The following MLLT3 variants were observed in gnomAD, a reference collection of about 807,000 sequenced individuals.
The protein encoded by MLLT3 is MLLT3 super elongation complex subunit.
MLLT3 carries 4 observed loss-of-function variants against 53.2 expected under a neutral mutation model. The ratio of observed to expected loss-of-function variants is 0.08; its 90% CI spans 0.04 to 0.17. The LOEUF (loss-of-function observed/expected upper bound fraction) is 0.17, where lower values mean the gene tolerates loss of function less well. Ranked by LOEUF, MLLT3 falls within the 10% of genes least tolerant of loss-of-function variation. The pLI, the probability that MLLT3 is intolerant of heterozygous loss-of-function variation, is 1.00. For missense variants in MLLT3, 569 were observed against 684.0 expected, an observed-to-expected ratio of 0.83 and a Z score of 1.87; for synonymous variants, 283 against 230.6, an observed-to-expected ratio of 1.23 and a Z score of -2.06.
At chr9:20,474,607 T>G (rs1207941697) in intron 2 of MLLT3, among the ~76,000 whole-genome samples, 1 of 152,004 alleles carries the variant, frequency 6.6e-6, no homozygotes, top group Non-Finnish European at 1.5e-5. Flanking sequence ...AATTTGTTTT[T>G]TCCCACATAC....
intron 2 of MLLT3, among the ~76,000 whole-genome samples, chr9:20,572,108 C>G (rs956800175): frequency 5.3e-5 from 8 of 152,006 alleles, no homozygotes; most frequent in African/African-American, 1.9e-4. Flanking sequence ...TGAAATAAAC[C>G]AGACATGAAA....
At chr9:20,399,614 A>T (rs1347331781) in intron 5 of MLLT3, among the ~76,000 whole-genome samples, 1 of 152,086 alleles carries the variant, frequency 6.6e-6, no homozygotes, top group Non-Finnish European at 1.5e-5. Flanking sequence ...GTCATAAAGG[A>T]CTCAGGGTAA....
intron 2 of MLLT3, among the ~76,000 whole-genome samples, chr9:20,495,874 G>A (rs1198763833): frequency 6.6e-6 from 1 of 152,116 alleles, no homozygotes; most frequent in East Asian, 1.9e-4. Context: ...CCCTATCATA[G>A]GCCCTCGGCT....
chr9:20,431,202 A>G (rs1402098460), intron 4 of MLLT3, among the ~76,000 whole-genome samples: 1 of 152,192 alleles, frequency 6.6e-6, no homozygotes, highest in East Asian at 1.9e-4. Flanking sequence ...GGTATACAAT[A>G]TAAGACAGCA....
chr9:20,348,124 T>C (rs1342041044), intron 10 of MLLT3, among the ~76,000 whole-genome samples: 1 of 152,192 alleles, frequency 6.6e-6, no homozygotes, highest in African/African-American at 2.4e-5. Flanking sequence ...CTGGAACTAT[T>C]TTTTAGGGAT....
At chr9:20,416,164 A>C (rs1822866238) in intron 4 of MLLT3, among the ~76,000 whole-genome samples, 1 of 152,014 alleles carries the variant, frequency 6.6e-6, no homozygotes, top group Non-Finnish European at 1.5e-5. Context: ...ATAAAGTATA[A>C]TGGACAAACC....
At chr9:20,397,290 C>T in intron 5 of MLLT3, among the ~76,000 whole-genome samples, 1 of 152,090 alleles carries the variant, frequency 6.6e-6, no homozygotes, top group East Asian at 1.9e-4. Context: ...GTTTCTAAAA[C>T]ATTTAATTAA....
intron 5 of MLLT3, among the ~76,000 whole-genome samples, chr9:20,393,593 C>T (rs375891620): frequency 6.6e-6 from 1 of 152,152 alleles, no homozygotes; most frequent in Admixed American, 6.6e-5. Flanking sequence ...AGGTTACATG[C>T]TATGAAAAGG....
chr9:20,462,326 T>C (rs1192427019), intron 2 of MLLT3, among the ~76,000 whole-genome samples: 1 of 152,214 alleles, frequency 6.6e-6, no homozygotes, highest in Non-Finnish European at 1.5e-5. Flanking sequence ...TCCATTTCCT[T>C]GAACAAGAAT....
intron 5 of MLLT3, among the ~76,000 whole-genome samples, chr9:20,400,219 T>C (rs910855847): frequency 3.3e-5 from 5 of 152,138 alleles, no homozygotes; most frequent in Non-Finnish European, 7.4e-5. Flanking sequence ...ATGAAGATAC[T>C]GTCAACAAAA....
chr9:20,558,003 T>C (rs1450201487), intron 2 of MLLT3, among the ~76,000 whole-genome samples: 1 of 152,214 alleles, frequency 6.6e-6, no homozygotes, highest in Admixed American at 6.5e-5. Context: ...CAGACATCAC[T>C]GCCTATTCCT....
intron 4 of MLLT3, among the ~76,000 whole-genome samples, chr9:20,417,397 T>G (rs1822898369): frequency 6.8e-6 from 1 of 147,920 alleles, no homozygotes; most frequent in Non-Finnish European, 1.5e-5. Flanking sequence ...GTATATCTGA[T>G]ATATATATAT....
chr9:20,620,754 G>A lies in MLLT3; in HGVS notation c.93C>T (p.Asp31=). 1 of 1,614,178 alleles carries A rather than the reference G, an allele frequency of 6.2e-7. No individual in the cohort carries two copies. Among genetic ancestry groups the A allele is most frequent in the East Asian group, 2.2e-5 (1 of 44,860 alleles). ...KKPTVEGFTH[D]WMVFVRGPEH... is the part of the protein sequence containing the mutation. ...CCGGACCGCGTACGAACACCATCCA[G>A]TCGTGGGTGAAGCCCTCCACGGTGG... Residue 31 remains aspartate, a synonymous_variant, in exon 2 of 11, where the codon GAC becomes GAT. Transcript: ENST00000380338. The surrounding 1 kb of genome is among the most constrained non-coding windows in gnomAD (Gnocchi z 6.1).
chr9:20,484,282 A>G (rs1020125383), intron 2 of MLLT3, among the ~76,000 whole-genome samples: 34 of 152,302 alleles, frequency 2.2e-4, no homozygotes, highest in Middle Eastern at 3.4e-3. Flanking sequence ...AAAAATTTTC[A>G]TGAAAAAGTA....
At chr9:20,575,150 T>A (rs1417701005) in intron 2 of MLLT3, among the ~76,000 whole-genome samples, 1 of 152,224 alleles carries the variant, frequency 6.6e-6, no homozygotes, top group Non-Finnish European at 1.5e-5. Context: ...GTCTTCAACC[T>A]TTCAAAGTCA....
intron 2 of MLLT3, among the ~76,000 whole-genome samples, chr9:20,519,390 A>C (rs1052676219): frequency 2.0e-5 from 3 of 152,144 alleles, no homozygotes; most frequent in Admixed American, 6.5e-5. Context: ...CCAAGACAAA[A>C]AGTTTTTTAT....
intron 2 of MLLT3, among the ~76,000 whole-genome samples, chr9:20,586,676 T>A (rs947306297): frequency 1.3e-4 from 11 of 84,674 alleles, no homozygotes; most frequent in Non-Finnish European, 2.7e-4. Flanking sequence ...CTAATAAACA[T>A]CAAGGAGTTT....
chr9:20,592,960 A>T (rs1209474399), intron 2 of MLLT3, among the ~76,000 whole-genome samples: 2 of 152,230 alleles, frequency 1.3e-5, no homozygotes, highest in Non-Finnish European at 2.9e-5. Context: ...AAGAGAAGGC[A>T]AGGGCAGGTG....
chr9:20,368,290 C>T (rs1195619859), intron 5 of MLLT3, among the ~76,000 whole-genome samples: 1 of 152,138 alleles, frequency 6.6e-6, no homozygotes, highest in Non-Finnish European at 1.5e-5. Flanking sequence ...AACATTTCTC[C>T]CAGGGTTTGC....
Sources: gnomAD v4.1 joint callset for allele counts (sites outside exome capture counted in the v4.1 genomes callset) on GRCh38, gnomAD v4.1.1 for gene constraint, Gnocchi (gnomAD v3.1) non-coding constraint, MANE v1.5 for transcripts, NCBI Gene and HGNC (gene_info 2026-07-23, HGNC 2026-07-21) for gene names.